GET1: variants seen among roughly 807,000 people sequenced by gnomAD.
GET1 encodes the protein congenital heart disease 5 protein.
A neutral mutation model predicts 22.6 loss-of-function variants in GET1; 20 were observed. The ratio of observed to expected loss-of-function variants is 0.89; its 90% CI spans 0.62 to 1.29. The LOEUF is 1.29. GET1 is among the 50% of genes most tolerant of loss of function. The pLI is 0.00. For synonymous variants in GET1, 92 were observed against 83.8 expected (o/e 1.10, Z -0.53); for missense variants, 209 against 219.9 (o/e 0.95, Z 0.31).
chr21:39,410,323 A>G (rs1422269859), downstream of GET1: 3 of 1,611,228 alleles, frequency 1.9e-6, no homozygotes, highest in African/African-American at 4.0e-5. Flanking sequence ...ATACTTGTGA[A>G]TGGCAAAATT....
chr21:39,386,675 G>A (rs944763274), intron 1 of GET1, among the ~76,000 whole-genome samples: 14 of 152,132 alleles, frequency 9.2e-5, no homozygotes, highest in African/African-American at 3.1e-4. Context: ...GGGTGTGCAC[G>A]TTGTCATGCC....
rs764195690 is a variant in GET1 at position 39,380,395 on chromosome 21, C to T, written c.11C>T (p.Ala4Val). The change falls in exon 1 of 5, where the codon GCC becomes GTC. Residue 4 changes from alanine to valine, a missense_variant. By Grantham distance (64) the Ala-to-Val change is moderately conservative. Coordinates refer to ENST00000649170, the MANE Select transcript of GET1 (RefSeq NM_004627.6). The part of the protein sequence containing the change: MSS[A>V]AADHWAWLLV... The stretch of plus-strand genomic sequence containing the variant: ...CCAGGAGCGTCCGGGATGAGCTCAG[C>T]CGCGGCCGACCACTGGGCGTGGTTG... 6 of 1,607,670 alleles carry T rather than the reference C, an allele frequency of 3.7e-6. No homozygotes were observed. In the East Asian group the frequency reaches 6.7e-5, roughly 18 times the overall value.
chr21:39,400,378 T>A (rs895958597), downstream of GET1, among the ~76,000 whole-genome samples: 1 of 152,196 alleles, frequency 6.6e-6, no homozygotes. Context: ...AAAAGGTTAT[T>A]TCAGTGATGA....
downstream of GET1, chr21:39,409,938 A>T: frequency 8.5e-7 from 1 of 1,173,240 alleles, no homozygotes; most frequent in Non-Finnish European, 1.2e-6. This position sits in a 1 kb window ranked among gnomAD's most constrained non-coding sequence, Gnocchi z 4.2. Context: ...TCACAATTTT[A>T]AAGAAATCAG....
intron 1 of GET1, chr21:39,423,121 G>T (rs759399757): frequency 6.2e-7 from 1 of 1,613,850 alleles, no homozygotes; most frequent in African/African-American, 1.3e-5. Context: ...CTGGCTGTCA[G>T]TTTCTCTAAG....
chr21:39,388,188 A>G (rs114982409), intron 1 of GET1, among the ~76,000 whole-genome samples: 2,124 of 152,222 alleles, frequency 0.014, 48 homozygotes, highest in African/African-American at 0.049. Flanking sequence ...CAACATAGTG[A>G]AACCGTGTGT....
At chr21:39,419,163 A>C (rs1354479663) in intron 1 of GET1, among the ~76,000 whole-genome samples, 1 of 151,936 alleles carries the variant, frequency 6.6e-6, no homozygotes, top group Non-Finnish European at 1.5e-5. Flanking sequence ...ACCCCCCACT[A>C]TTCTTCTCCT....
At chr21:39,402,774 T>TA (rs1009796353), downstream of GET1, among the ~76,000 whole-genome samples, 21 of 152,192 alleles carry the variant, frequency 1.4e-4, no homozygotes, top group African/African-American at 5.1e-4. Flanking sequence ...ATCGTAAAGT[T>TA]ATGTTCATCA....
intron 1 of GET1, among the ~76,000 whole-genome samples, chr21:39,383,235 T>C (rs1167567193): frequency 3.3e-5 from 5 of 151,592 alleles, no homozygotes; most frequent in Non-Finnish European, 7.4e-5. Flanking sequence ...ATTACAGGCT[T>C]GTGCCACCGC....
At position 39,428,201 on chromosome 21, in the gene GET1, T is replaced by C. The variant is rs781006282; in HGVS notation, c.*24-31T>C. 48 of 1,595,580 alleles carry C rather than the reference T, an allele frequency of 3.0e-5. No homozygotes were observed. Among genetic ancestry groups the C allele is most frequent in the Non-Finnish European group, 3.9e-5 (46 of 1,168,930 alleles). On this transcript the variant is annotated intron_variant, in intron 1 of 1. Coordinates refer to the GET1 transcript ENST00000478273. ...AGATTGGGAGATTTTAGAAACATTA[T>C]ACTTTTTCTTCTCCTTTTCTTTTAC... is the stretch of plus-strand genomic sequence containing the variant.
chr21:39,404,260 G>A (rs1399919902), intron 4 of GET1, among the ~76,000 whole-genome samples: 5 of 152,114 alleles, frequency 3.3e-5, no homozygotes, highest in Admixed American at 6.5e-5. Flanking sequence ...CAGCTAGCTC[G>A]AATAAACACC....
chr21:39,388,780 C>T (rs1297294837), intron 1 of GET1, among the ~76,000 whole-genome samples: 3 of 152,278 alleles, frequency 2.0e-5, no homozygotes, highest in South Asian at 2.1e-4. Context: ...TCCTCCGTTG[C>T]GCTCCAGTCA....
chr21:39,396,541 G>T (rs1569043335), intron 4 of GET1, among the ~76,000 whole-genome samples: 1 of 150,134 alleles, frequency 6.7e-6, no homozygotes, highest in African/African-American at 2.5e-5. Flanking sequence ...AAAAAAATTA[G>T]CCAGGTGTGG....
intron 1 of GET1, chr21:39,428,143 G>T (rs757597933): frequency 7.8e-7 from 1 of 1,277,274 alleles, no homozygotes; most frequent in Admixed American, 2.1e-5. Context: ...ACAGAAATTT[G>T]GTCTTGCTTG....
intron 1 of GET1, among the ~76,000 whole-genome samples, chr21:39,421,073 C>A (rs1045569603): frequency 2.2e-4 from 33 of 150,896 alleles, no homozygotes; most frequent in Admixed American, 1.8e-3. Context: ...CTGTTTTTTA[C>A]ATACTCTAAA....
chr21:39,381,237 T>A (rs2037538002), intron 1 of GET1, among the ~76,000 whole-genome samples: 1 of 152,046 alleles, frequency 6.6e-6, no homozygotes, highest in Admixed American at 6.6e-5. Context: ...GGTGTGGCCA[T>A]GGAAGGCGGG....
At chr21:39,419,538 A>AAAG (rs1555897354) in intron 1 of GET1, among the ~76,000 whole-genome samples, 5 of 151,330 alleles carry the variant, frequency 3.3e-5, no homozygotes, top group African/African-American at 9.8e-5. Context: ...AAAAAAAAGA[A>AAAG]AAAAGAAAAA....
downstream of GET1, chr21:39,409,830 G>T (rs2039779920): frequency 1.8e-6 from 1 of 564,372 alleles, no homozygotes; most frequent in Non-Finnish European, 3.1e-6. The surrounding 1 kb of genome is among the most constrained non-coding windows in gnomAD (Gnocchi z 4.2). Context: ...TTGACCTCAG[G>T]TGATCTGCCT....
downstream of GET1, chr21:39,410,443 CTT>C: frequency 2.6e-6 from 2 of 755,992 alleles, no homozygotes; most frequent in Non-Finnish European, 4.3e-6. Context: ...CATAAAATAA[CTT>C]TTATGCAATG....
Sources: gnomAD v4.1 joint callset for allele counts (sites outside exome capture counted in the v4.1 genomes callset) on GRCh38, gnomAD v4.1.1 for gene constraint, Gnocchi (gnomAD v3.1) non-coding constraint, MANE v1.5 for transcripts, NCBI Gene and HGNC (gene_info 2026-07-23, HGNC 2026-07-21) for gene names.